The following LTBP1 variants were observed in gnomAD, a reference collection of about 807,000 sequenced individuals.
LTBP1 encodes the protein latent transforming growth factor beta binding protein 1.
LTBP1 carries 129 observed loss-of-function variants against 207.6 expected under a neutral mutation model. That is an observed-to-expected ratio of 0.62 (90% CI 0.54 to 0.72). LTBP1 has a LOEUF of 0.72. LTBP1 is among the 30% of genes least tolerant of loss of function. LTBP1 has a pLI of 0.00. For missense variants in LTBP1, 2,281 were observed against 2,217.2 expected, an observed-to-expected ratio of 1.03 and a Z score of -0.58; for synonymous variants, 963 against 833.7, an observed-to-expected ratio of 1.16 and a Z score of -2.67.
chr2:33,161,416 G>A (rs575042860), intron 5 of LTBP1, among the ~76,000 whole-genome samples: 12 of 151,926 alleles, frequency 7.9e-5, no homozygotes, highest in African/African-American at 2.4e-4. Flanking sequence ...ACAGGTGCCC[G>A]CCACCACACC....
intron 3 of LTBP1, among the ~76,000 whole-genome samples, chr2:33,093,814 A>T (rs1316070136): frequency 6.7e-6 from 1 of 149,984 alleles, no homozygotes. Flanking sequence ...GATGATGATT[A>T]TCATCATCAT....
intron 2 of LTBP1, among the ~76,000 whole-genome samples, chr2:33,007,442 TGTAGC>T: frequency 6.6e-6 from 1 of 152,238 alleles, no homozygotes; most frequent in East Asian, 1.9e-4. Flanking sequence ...TCTCATTCAT[TGTAGC>T]TTTTACTCAG....
chr2:33,392,429 C>A (rs2095322904), intron 32 of LTBP1, among the ~76,000 whole-genome samples: 1 of 152,166 alleles, frequency 6.6e-6, no homozygotes, highest in Non-Finnish European at 1.5e-5. Flanking sequence ...TTGTGATCCA[C>A]CTGCCTTGGC....
chr2:33,243,936 T>C, intron 10 of LTBP1, 152 bp downstream of exon 10: 2 of 815,044 alleles, frequency 2.5e-6, no homozygotes, highest in Non-Finnish European at 3.8e-6. Flanking sequence ...CTGCCTGATG[T>C]AGTAAAATAA....
intron 9 of LTBP1, among the ~76,000 whole-genome samples, chr2:33,227,830 G>A (rs953484171): frequency 1.8e-5 from 2 of 114,274 alleles, no homozygotes; most frequent in South Asian, 6.1e-4. Flanking sequence ...TTTTTTGACA[G>A]AGTCTCGCTC....
chr2:33,188,975 G>A, intron 7 of LTBP1, 124 bp downstream of exon 7: 1 of 1,152,352 alleles, frequency 8.7e-7, no homozygotes, highest in Non-Finnish European at 1.2e-6. Flanking sequence ...ATGACTTGTG[G>A]CCATATTTTT....
At chr2:33,019,307 A>C (rs1688819339) in intron 2 of LTBP1, among the ~76,000 whole-genome samples, 1 of 150,250 alleles carries the variant, frequency 6.7e-6, no homozygotes, top group Admixed American at 6.7e-5. Flanking sequence ...AATAAAACTT[A>C]AGTCAGTAGC....
At chr2:33,194,317 G>A (rs1030260597) in intron 7 of LTBP1, among the ~76,000 whole-genome samples, 2 of 152,058 alleles carry the variant, frequency 1.3e-5, no homozygotes, top group Admixed American at 6.6e-5. Context: ...AGCTAAAAAT[G>A]ATTAACCTTA....
At chr2:33,226,723 A>G (rs115586290) in intron 9 of LTBP1, among the ~76,000 whole-genome samples, 3,726 of 152,256 alleles carry the variant, frequency 0.024, 167 homozygotes, top group African/African-American at 0.085. Flanking sequence ...GCATTTGTGA[A>G]CTGTCATAGT....
intron 5 of LTBP1, among the ~76,000 whole-genome samples, chr2:33,166,589 A>ATC (rs1254183042): frequency 1.3e-5 from 2 of 152,220 alleles, no homozygotes; most frequent in African/African-American, 4.8e-5. Flanking sequence ...TCTGAGCTAC[A>ATC]TCTCGAGAGT....
chr2:33,307,036 C>T (rs548983501), intron 22 of LTBP1, among the ~76,000 whole-genome samples: 36 of 152,156 alleles, frequency 2.4e-4, no homozygotes, highest in South Asian at 2.1e-3. Context: ...TGCAGTGAGC[C>T]GAGATACACC....
intron 23 of LTBP1, among the ~76,000 whole-genome samples, chr2:33,310,402 G>A (rs973109098): frequency 6.6e-6 from 1 of 152,154 alleles, no homozygotes; most frequent in Admixed American, 6.5e-5. Flanking sequence ...ACACAACACA[G>A]GTACTAATAA....
intron 27 of LTBP1, among the ~76,000 whole-genome samples, chr2:33,361,121 T>C (rs2094922895): frequency 6.6e-6 from 1 of 152,226 alleles, no homozygotes; most frequent in African/African-American, 2.4e-5. Context: ...TTCGTGTAAT[T>C]GATTCTTACT....
intron 3 of LTBP1, among the ~76,000 whole-genome samples, chr2:33,086,537 C>T (rs10175011): frequency 0.068 from 10,389 of 152,196 alleles, 425 homozygotes; most frequent in South Asian, 0.18. Context: ...ATACATGAGA[C>T]CCGAGACTGC....
intron 4 of LTBP1, among the ~76,000 whole-genome samples, chr2:33,111,436 G>A (rs1416262250): frequency 6.6e-6 from 1 of 152,180 alleles, no homozygotes; most frequent in Non-Finnish European, 1.5e-5. Context: ...ACACGCTCTC[G>A]TTCCAGCAGC....
chr2:33,198,851 T>A (rs1430279819), intron 7 of LTBP1, among the ~76,000 whole-genome samples: 1 of 152,334 alleles, frequency 6.6e-6, no homozygotes, highest in East Asian at 1.9e-4. Context: ...AAAAACCAGC[T>A]CCTGGATTCA....
intron 3 of LTBP1, among the ~76,000 whole-genome samples, chr2:33,066,517 T>C (rs2077518542): frequency 6.6e-6 from 1 of 152,238 alleles, no homozygotes; most frequent in African/African-American, 2.4e-5. Flanking sequence ...AGACTCTGAA[T>C]GTCATACTTT....
chr2:33,151,823 T>TTGTG (rs10526529), intron 5 of LTBP1, among the ~76,000 whole-genome samples: 33 of 129,480 alleles, frequency 2.5e-4, no homozygotes, highest in Non-Finnish European at 3.2e-4. Context: ...GTATTCCATT[T>TTGTG]TGTGTGTGTG....
chr2:33,303,649 C>CT (rs1319004735), intron 22 of LTBP1, among the ~76,000 whole-genome samples: 6 of 152,240 alleles, frequency 3.9e-5, no homozygotes, highest in Admixed American at 1.3e-4. Flanking sequence ...CGCACCTGGC[C>CT]TGCATTGGTT....
Sources: gnomAD v4.1 joint callset for allele counts (sites outside exome capture counted in the v4.1 genomes callset) on GRCh38, gnomAD v4.1.1 for gene constraint, MANE v1.5 for transcripts, NCBI Gene and HGNC (gene_info 2026-07-23, HGNC 2026-07-21) for gene names.